Variants in TAS2R14 observed in about 807,000 individuals in gnomAD.
TAS2R14 encodes the protein taste 2 receptor member 14, also known as taste receptor type 2 member 14.
For missense variants in TAS2R14, 383 were observed against 372.0 expected, an observed-to-expected ratio of 1.03 and a Z score of -0.24; for synonymous variants, 131 against 131.0, an observed-to-expected ratio of 1.00 and a Z score of 0.00.
At position 10,938,765 on chromosome 12, in the gene TAS2R14, A is replaced by T. The variant is rs760162445; in HGVS notation, c.443T>A (p.Ile148Lys). Residue 148 changes from isoleucine (I) to lysine (K), a missense_variant, in exon 1 of 1, where the codon ATA becomes AAA. Physicochemically the swap from Ile to Lys is moderately radical, Grantham distance 102. Coordinates refer to ENST00000537503, the Ensembl canonical transcript of TAS2R14. ...GATACTGGCATTTATATGGATGTTT[A>T]TCAGTGCAATATTTAAAAACAAGAA... The T allele has an allele frequency of 3.1e-6, 5 of 1,613,726 alleles. No individual in the cohort carries two copies. The South Asian group carries it at 4.4e-5, about 14-fold the overall frequency.
At chr12:10,938,671 A>C (rs1163067525) in exon 1 of TAS2R14, 8 of 1,614,100 alleles carry the variant, frequency 5.0e-6, no homozygotes, top group Non-Finnish European at 6.8e-6. Context: ...TGGTTAATAC[A>C]ATAAGACTGG....
exon 1 of TAS2R14, chr12:10,938,139 T>A (rs1472608001): frequency 2.9e-6 from 2 of 697,182 alleles, no homozygotes; most frequent in African/African-American, 3.6e-5. Context: ...TGGTGTTGAT[T>A]CCAAGCATAT....
At position 10,939,193 on chromosome 12, in the gene TAS2R14, T is replaced by C. The variant is rs79297986; in HGVS notation, c.15A>G (p.Ile5Met). 916 of 1,573,182 alleles carry C rather than the reference T, an allele frequency of 5.8e-4. 5 individuals carry two copies. In the African/African-American group the frequency reaches 0.011, roughly 19 times the overall value. ...TTAAAACGAATGTAAATATGCTCTT[T>C]ATGACACCACCCATTGCCTGTAAGA... The change falls in exon 1 of 1, where the codon ATA (isoleucine) becomes ATG (methionine). Residue 5 changes from isoleucine to methionine, a missense_variant. Ile to Met is a conservative substitution (Grantham distance 10). Transcript: ENST00000537503.
At chr12:10,937,834 A>G (rs1203194671) in exon 1 of TAS2R14, 1 of 154,044 alleles carries the variant, frequency 6.5e-6, no homozygotes, top group Non-Finnish European at 1.4e-5. Context: ...AATATTATAC[A>G]AAAATTAAAA....
exon 1 of TAS2R14, chr12:10,938,799 T>C (rs777758387): frequency 6.2e-7 from 1 of 1,613,344 alleles, no homozygotes; most frequent in Non-Finnish European, 8.5e-7. Context: ...AAGACCGAAG[T>C]CACAAGAAGC....
chr12:10,939,079 C>T (rs747532948), exon 1 of TAS2R14: 23 of 1,613,828 alleles, frequency 1.4e-5, no homozygotes, highest in East Asian at 8.9e-5. Flanking sequence ...TCCGATCAAC[C>T]GAAGAGATCT....
chr12:10,937,808 C>G (rs1009402811), exon 1 of TAS2R14: 1 of 152,740 alleles, frequency 6.5e-6, no homozygotes, highest in Non-Finnish European at 1.5e-5. Context: ...TTTGCATACA[C>G]GCTAATCAGG....
rs1287069352 is a variant in TAS2R14, at chr12:10,939,197, A to T, written c.11T>A (p.Val4Asp). 6.4e-7 allele frequency: 1 copy of T among 1,564,702 alleles called. No individual in the cohort carries two copies. Reference sequence around the variant, plus strand: ...AACGAATGTAAATATGCTCTTTATGACACCACCCATTGCCTGTAAGAGCAT... The same window carrying T: ...AACGAATGTAAATATGCTCTTTATGTCACCACCCATTGCCTGTAAGAGCAT... Residue 4 changes from valine (V) to aspartate (D), a missense_variant, in exon 1 of 1, where the codon GTC becomes GAC. Transcript: ENST00000537503.
exon 5 of TAS2R14, chr12:10,938,261 G>C: frequency 6.3e-7 from 1 of 1,580,250 alleles, no homozygotes; most frequent in Non-Finnish European, 8.6e-7. Context: ...TATTCAAGAT[G>C]ATTCTCTAAA....
chr12:10,938,607 G>C (rs35804287), exon 1 of TAS2R14: 2 of 1,613,734 alleles, frequency 1.2e-6, no homozygotes, highest in Admixed American at 1.7e-5. Flanking sequence ...GAGAAGATGA[G>C]GAGAAGAAAC....
At chr12:10,938,476 A>G (rs781045479) in exon 1 of TAS2R14, 1 of 1,614,044 alleles carries the variant, frequency 6.2e-7, no homozygotes, top group South Asian at 1.1e-5. Flanking sequence ...AAAAAGACAG[A>G]GAGAAAATGG....
rs749268163 is a variant in TAS2R14, at chr12:10,938,511, C to T, written c.697G>A (p.Val233Met). ...GCATAGAGTAGGAAGAAAGTGATCA[C>T]ACTTTTAACTCCTCTGTGGGCTTTG... Residue 233 changes from valine (V) to methionine (M), a missense_variant, in exon 1 of 1, where the codon GTG (valine) becomes ATG (methionine). Transcript: ENST00000537503. 4 of 1,613,946 alleles carry T rather than the reference C, an allele frequency of 2.5e-6. No individual in the cohort carries two copies. The African/African-American group carries it at 4.0e-5, about 16-fold the overall frequency.
chr12:10,938,229 A>G, exon 1 of TAS2R14: 1 of 1,442,934 alleles, frequency 6.9e-7, no homozygotes, highest in Non-Finnish European at 9.4e-7. Context: ...AGAATTTCTT[A>G]GGAGCTATTT....
exon 1 of TAS2R14, chr12:10,938,643 T>C (rs375408441): frequency 6.2e-7 from 1 of 1,613,798 alleles, no homozygotes; most frequent in African/African-American, 1.3e-5. Flanking sequence ...GTAAAGGGTA[T>C]GAAAATGAAC....
In TAS2R14 at chr12:10,938,821, C is replaced by A. The variant is rs570619255; in HGVS notation, c.387G>T (p.Val129=). 3.1e-6 allele frequency: 5 copies of A among 1,613,394 alleles called. No individual in the cohort carries two copies. In the African/African-American group the frequency reaches 6.7e-5, roughly 22 times the overall value. Residue 129 remains valine (V), a synonymous_variant, in exon 1 of 1, where the codon GTG becomes GTT. Transcript: ENST00000537503. Reference sequence around the variant, plus strand: ...AAGTCACAAGAAGCAGCACCAAAACCACCTTTTTAACCCTCCACTTTAGGT... The same window carrying A: ...AAGTCACAAGAAGCAGCACCAAAACAACCTTTTTAACCCTCCACTTTAGGT...
exon 1 of TAS2R14, chr12:10,938,486 G>A (rs1408495170): frequency 6.2e-7 from 1 of 1,613,906 alleles, no homozygotes; most frequent in African/African-American, 1.3e-5. Flanking sequence ...AGAGAAAATG[G>A]CATAGAGTAG....
At chr12:10,939,102 C>T (rs1397844909) in exon 1 of TAS2R14, 1 of 1,613,830 alleles carries the variant, frequency 6.2e-7, no homozygotes, top group Non-Finnish European at 8.5e-7. Context: ...CTTCCCTTGA[C>T]CCAGTCAATA....
At chr12:10,938,393 TAA>T (rs769053383) in exon 5 of TAS2R14, 393 of 1,613,966 alleles carry the variant, frequency 2.4e-4, no homozygotes, top group Non-Finnish European at 3.1e-4. Context: ...ACATGAAGGA[TAA>T]GCCATTCCCA....
At chr12:10,938,168 G>C in exon 1 of TAS2R14, 1 of 935,338 alleles carries the variant, frequency 1.1e-6, no homozygotes, top group Non-Finnish European at 1.6e-6. Flanking sequence ...AATTCACAAA[G>C]TTATACACAA....
Sources: gnomAD v4.1 joint callset for allele counts on GRCh38, gnomAD v4.1.1 for gene constraint, MANE v1.5 for transcripts, NCBI Gene and HGNC (gene_info 2026-07-23, HGNC 2026-07-21) for gene names.